The following USP35 variants were observed in gnomAD, a reference collection of about 807,000 sequenced individuals.
The protein encoded by USP35 is ubiquitin specific peptidase 35, also known as ubiquitin carboxyl-terminal hydrolase 35.
Under a neutral mutation model 83.8 loss-of-function variants are expected in USP35, and 69 were observed. That is an observed-to-expected ratio of 0.82 (90% CI 0.68 to 1.01). The LOEUF (loss-of-function observed/expected upper bound fraction) is 1.01, where lower values mean the gene tolerates loss of function less well. USP35 is among the 50% of genes least tolerant of loss of function. USP35 has a pLI of 0.00. For missense variants in USP35, 1,503 were observed against 1,362.5 expected (o/e 1.10, Z -1.62); for synonymous variants, 714 against 589.5 (o/e 1.21, Z -3.06).
At chr11:78,195,248 C>T (rs1034254539) in intron 1 of USP35, among the ~76,000 whole-genome samples, 1 of 152,176 alleles carries the variant, frequency 6.6e-6, no homozygotes, top group Non-Finnish European at 1.5e-5. Flanking sequence ...GGATTCCGGC[C>T]TGGAGGACCA....
chr11:78,234,078 C>CTT, the USP35 span, among the ~76,000 whole-genome samples: 1 of 151,964 alleles, frequency 6.6e-6, no homozygotes, highest in Non-Finnish European at 1.5e-5. Context: ...CTAGAAGTTT[C>CTT]TTTTCTTTTC....
downstream of USP35, chr11:78,216,828 G>C (rs1864172843): frequency 6.6e-6 from 1 of 152,166 alleles, no homozygotes; most frequent in Non-Finnish European, 1.5e-5. Flanking sequence ...GCCCCTTGTA[G>C]GGGGCCTTTA....
At position 78,189,055 on chromosome 11, in the gene USP35, G is replaced by A. The variant is rs573659739; in HGVS notation, c.-113G>A. On this transcript the variant is annotated 5_prime_UTR_variant, in exon 1 of 11. Coordinates refer to ENST00000529308, the MANE Select transcript of USP35 (RefSeq NM_020798.4). ...CCTGGCTGAGGGCGTCCCCACCCTGGGGGGAGCAGAGGACCAGCCCTGACC... is the reference window on the plus strand; with the variant it reads ...CCTGGCTGAGGGCGTCCCCACCCTGAGGGGAGCAGAGGACCAGCCCTGACC... 27 of 749,022 alleles carry A rather than the reference G, an allele frequency of 3.6e-5. No homozygotes were observed. Among genetic ancestry groups the A allele is most frequent in the Non-Finnish European group, 2.9e-5 (18 of 614,202 alleles). The allele number at this position is 749,022 out of a possible 1,614,324, so 46.4% of individuals were successfully genotyped here. A position where few individuals can be genotyped will look rare whatever the true frequency, so the allele number is the denominator to read the frequency against.
chr11:78,226,747 G>A, the USP35 span: 1 of 1,613,938 alleles, frequency 6.2e-7, no homozygotes, highest in Non-Finnish European at 8.5e-7. Flanking sequence ...TCTACCAGGA[G>A]GTCCCCGAAC....
chr11:78,193,448 C>T (rs1462311689), intron 1 of USP35, among the ~76,000 whole-genome samples: 2 of 151,290 alleles, frequency 1.3e-5, no homozygotes, highest in African/African-American at 4.9e-5. Flanking sequence ...CAAGCCATCT[C>T]CCCACCTCGG....
chr11:78,201,219 C>A (rs1356525108), intron 6 of USP35, among the ~76,000 whole-genome samples: 1 of 152,176 alleles, frequency 6.6e-6, no homozygotes, highest in Non-Finnish European at 1.5e-5. Context: ...TGGGCTAGGG[C>A]CTCGCTGGGC....
the USP35 span, among the ~76,000 whole-genome samples, chr11:78,236,352 T>C: frequency 3.9e-5 from 6 of 152,244 alleles, no homozygotes; most frequent in African/African-American, 1.4e-4. Flanking sequence ...GGTTTCGCCA[T>C]GTTGCTCAGG....
intron 6 of USP35, 28 bp from the exon 7 acceptor site, chr11:78,205,814 C>T (rs752306839): frequency 6.3e-7 from 1 of 1,586,986 alleles, no homozygotes; most frequent in South Asian, 1.1e-5. Flanking sequence ...TGCCCACCAT[C>T]CTGCCTGCCT....
Position 78,188,964 on chromosome 11 carries a change from G to A in USP35, c.-204G>A, listed in dbSNP as rs577838343. ...GAGTCGGGCTTCCTGGATACATAGA[G>A]GCTTGTGCCAGGCGGGGTGGGAAGA... On this transcript the variant is annotated 5_prime_UTR_variant, in exon 1 of 11. Transcript: ENST00000529308. 1.1e-3 allele frequency: 1,084 copies of A among 985,422 alleles called. 18 individuals carry two copies. The highest frequency in any genetic ancestry group is 7.3e-3 in the Middle Eastern group (14 of 1,920). The allele number at this position is 985,422 out of a possible 1,614,324, so 61.0% of individuals were successfully genotyped here.
Position 78,209,843 on chromosome 11 carries a change from A to G in USP35, c.1988A>G (p.Asp663Gly), listed in dbSNP as rs950206547. ...ACCAGCCTGTACATCGAAGGCCTGGACTCCAAGGAAGCTGGTGGGCAGAGC... is the reference window on the plus strand; with the variant it reads ...ACCAGCCTGTACATCGAAGGCCTGGGCTCCAAGGAAGCTGGTGGGCAGAGC... ...PPTSLYIEGL[D>G]SKEAGGQSSQ... The change falls in exon 10 of 11, where the codon GAC (aspartate) becomes GGC (glycine). Residue 663 changes from aspartate (D) to glycine (G), a missense_variant. Transcript: ENST00000529308. 6.2e-7 allele frequency: 1 copy of G among 1,612,770 alleles called. No individual in the cohort carries two copies. Among genetic ancestry groups the G allele is most frequent in the Non-Finnish European group, 8.5e-7 (1 of 1,179,496 alleles).
At chr11:78,228,098 G>A in the USP35 span, among the ~76,000 whole-genome samples, 4 of 152,340 alleles carry the variant, frequency 2.6e-5, no homozygotes, top group Admixed American at 6.5e-5. Context: ...TACGTGCTGT[G>A]TGTATCACCA....
chr11:78,208,182 C>T (rs1475898064), intron 8 of USP35, among the ~76,000 whole-genome samples: 1 of 152,164 alleles, frequency 6.6e-6, no homozygotes, highest in Non-Finnish European at 1.5e-5. Context: ...TTCCTGAGGG[C>T]AGAGTGCTCA....
At chr11:78,202,114 G>A (rs1863376719) in intron 6 of USP35, among the ~76,000 whole-genome samples, 2 of 152,202 alleles carry the variant, frequency 1.3e-5, no homozygotes, top group African/African-American at 4.8e-5. Context: ...GAGAAACAAT[G>A]TTCTTTTTCC....
At chr11:78,226,738 C>T in the USP35 span, 2 of 1,614,046 alleles carry the variant, frequency 1.2e-6, no homozygotes, top group African/African-American at 2.7e-5. Context: ...TCCATATTGT[C>T]TACCAGGAGG....
downstream of USP35, chr11:78,216,652 C>G (rs964089659): frequency 1.1e-4 from 16 of 152,196 alleles, no homozygotes; most frequent in Admixed American, 4.6e-4. Flanking sequence ...CTGGGAGATT[C>G]GATTTGAACA....
chr11:78,208,079 C>A (rs765512037), intron 8 of USP35, among the ~76,000 whole-genome samples: 1 of 152,120 alleles, frequency 6.6e-6, no homozygotes, highest in Non-Finnish European at 1.5e-5. Context: ...GAAGGGAAAG[C>A]GGGATGAACT....
chr11:78,205,796 G>A lies in USP35; in HGVS notation c.1198-46G>A, dbSNP rs1285470980. 4.5e-6 allele frequency: 7 copies of A among 1,564,848 alleles called. No homozygotes were observed. The South Asian group carries it at 8.3e-5, about 19-fold the overall frequency. ...AGAAGAGGTGGTAGTTTTTTGAGCT[G>A]ACCCTGGTGCCCACCATCCTGCCTG... On this transcript the variant is annotated intron_variant, in intron 6 of 10. Coordinates refer to ENST00000529308, the MANE Select transcript of USP35 (RefSeq NM_020798.4).
At chr11:78,232,126 T>C in the USP35 span, among the ~76,000 whole-genome samples, 1 of 152,356 alleles carries the variant, frequency 6.6e-6, no homozygotes, top group African/African-American at 2.4e-5. Context: ...ATTTTGCCTT[T>C]GGTCAGTCAA....
the USP35 span, among the ~76,000 whole-genome samples, chr11:78,224,160 C>T: frequency 6.6e-6 from 1 of 152,132 alleles, no homozygotes; most frequent in African/African-American, 2.4e-5. Flanking sequence ...CAAGCCTTCA[C>T]GATCCTTTGG....
Sources: gnomAD v4.1 joint callset for allele counts (sites outside exome capture counted in the v4.1 genomes callset) on GRCh38, gnomAD v4.1.1 for gene constraint, MANE v1.5 for transcripts, NCBI Gene and HGNC (gene_info 2026-07-23, HGNC 2026-07-21) for gene names.